Variants in CCDC186 observed in about 807,000 individuals in gnomAD.
CCDC186 encodes coiled-coil domain containing 186.
Under a neutral mutation model 113.7 loss-of-function variants are expected in CCDC186, and 49 were observed. That is an observed-to-expected ratio of 0.43 (90% CI 0.34 to 0.55). The LOEUF is 0.55. Among genes scored for constraint, CCDC186 ranks in the 20% least tolerant of loss-of-function variants. The pLI, the probability that CCDC186 is intolerant of heterozygous loss-of-function variation, is 0.02. For synonymous variants in CCDC186, 355 were observed against 345.8 expected, an observed-to-expected ratio of 1.03 and a Z score of -0.30; for missense variants, 890 against 1,011.1, an observed-to-expected ratio of 0.88 and a Z score of 1.62.
rs778857885 is a variant in CCDC186 at position 114,126,138 on chromosome 10, C to T, written c.2394-33G>A. ...ACAAAATGATAGTATCAGTTGTGTACTTGTAGAATTAAAAAAAATGGAATC... is the reference window on the plus strand; with the variant it reads ...ACAAAATGATAGTATCAGTTGTGTATTTGTAGAATTAAAAAAAATGGAATC... On this transcript the variant is annotated intron_variant, in intron 14 of 15. Coordinates refer to ENST00000369287, the MANE Select transcript of CCDC186 (RefSeq NM_018017.4). The T allele has an allele frequency of 6.6e-5, 102 of 1,550,384 alleles. No homozygotes were observed. In the Admixed American group the frequency reaches 1.8e-3, roughly 28 times the overall value.
chr10:114,134,805 G>T (rs867621417), intron 10 of CCDC186, 108 bp downstream of exon 10: 1 of 1,238,858 alleles, frequency 8.1e-7, no homozygotes, highest in Non-Finnish European at 1.1e-6. Context: ...ATTTCAGCTA[G>T]TAAAATTGTA....
chr10:114,143,099 C>T (rs1233534220), intron 6 of CCDC186, among the ~76,000 whole-genome samples: 3 of 152,214 alleles, frequency 2.0e-5, no homozygotes, highest in Non-Finnish European at 4.4e-5. Flanking sequence ...TGAATTTCTA[C>T]ATACCAAGTC....
intron 1 of CCDC186, among the ~76,000 whole-genome samples, chr10:114,169,675 G>C (rs367715751): frequency 3.3e-5 from 5 of 152,114 alleles, no homozygotes; most frequent in Non-Finnish European, 7.4e-5. Context: ...TACATCAAAA[G>C]AGTTTGTATT....
At chr10:114,142,150 C>G (rs1228846722) in intron 6 of CCDC186, among the ~76,000 whole-genome samples, 1 of 152,162 alleles carries the variant, frequency 6.6e-6, no homozygotes, top group Admixed American at 6.5e-5. Flanking sequence ...AAGAATGACA[C>G]TATCACTGAC....
At chr10:114,131,479 G>T in intron 11 of CCDC186, 143 bp from the exon 12 acceptor site, 1 of 673,142 alleles carries the variant, frequency 1.5e-6, no homozygotes, top group Non-Finnish European at 2.3e-6. Flanking sequence ...GTTTACTTGA[G>T]CTTCTCACAG....
intron 1 of CCDC186, among the ~76,000 whole-genome samples, chr10:114,164,163 C>T (rs140029026): frequency 0.011 from 1,560 of 137,474 alleles, 16 homozygotes; most frequent in Middle Eastern, 0.049. Flanking sequence ...TGTCGTTGCC[C>T]GGGCTGGAGT....
rs2032230627 is a variant in CCDC186, at chr10:114,163,164, G to A, written c.105C>T (p.Ser35=). 1 of 1,613,794 alleles carries A rather than the reference G, an allele frequency of 6.2e-7. No homozygotes were observed. Among genetic ancestry groups the A allele is most frequent in the African/African-American group, 1.3e-5 (1 of 74,894 alleles). Residue 35 remains serine, a synonymous_variant, in exon 2 of 16, where the codon AGC becomes AGT. Transcript: ENST00000369287. ...DSCNLFSGNE[S]SKLENESKLL... Reference sequence around the variant, plus strand: ...GTTTGGACTCATTTTCTAATTTGCTGCTTTCATTGCCAGAAAACAAGTTGC... The same window carrying A: ...GTTTGGACTCATTTTCTAATTTGCTACTTTCATTGCCAGAAAACAAGTTGC...
intron 6 of CCDC186, among the ~76,000 whole-genome samples, chr10:114,141,473 A>G (rs1488696886): frequency 6.6e-6 from 1 of 152,170 alleles, no homozygotes; most frequent in African/African-American, 2.4e-5. Flanking sequence ...CTAAAGCAAT[A>G]ACCTTCTGGG....
chr10:114,167,799 TAAAAAAAAA>T (rs60257583), intron 1 of CCDC186, among the ~76,000 whole-genome samples: 10 of 71,298 alleles, frequency 1.4e-4, no homozygotes, highest in South Asian at 1.2e-3. Context: ...CTAATCTCCG[TAAAAAAAAA>T]AAAAAAAAAA....
At chr10:114,142,397 A>C (rs1304238917) in intron 6 of CCDC186, among the ~76,000 whole-genome samples, 1 of 152,174 alleles carries the variant, frequency 6.6e-6, no homozygotes, top group African/African-American at 2.4e-5. Flanking sequence ...CAGCCAAAGA[A>C]CCACAGCCAC....
chr10:114,149,559 A>AAGGGAAGGGAAGGG (rs2031752187), intron 4 of CCDC186, among the ~76,000 whole-genome samples: 1 of 86,752 alleles, frequency 1.2e-5, no homozygotes, highest in African/African-American at 4.4e-5. Context: ...GAAGGGAAGG[A>AAGGGAAGGGAAGGG]AAGGAAAGGG....
intron 6 of CCDC186, among the ~76,000 whole-genome samples, chr10:114,137,892 C>T (rs552763927): frequency 6.6e-6 from 1 of 151,790 alleles, no homozygotes; most frequent in Non-Finnish European, 1.5e-5. Context: ...CAAAATTAGC[C>T]GGGTGTGGTG....
intron 2 of CCDC186, among the ~76,000 whole-genome samples, chr10:114,160,099 G>A (rs2032126272): frequency 6.6e-6 from 1 of 152,034 alleles, no homozygotes; most frequent in African/African-American, 2.4e-5. Flanking sequence ...GCAAAACCCT[G>A]TCTCTACTAA....
At chr10:114,130,054 G>C (rs576514079) in intron 12 of CCDC186, 83 bp from the exon 13 acceptor site, 1 of 1,267,386 alleles carries the variant, frequency 7.9e-7, no homozygotes. Context: ...TAAAATCACT[G>C]AGGCAAAAAT....
rs879496767 is a variant in CCDC186 at position 114,149,786 on chromosome 10, C to CAGGAAGGAAGGA, written c.888+1294_888+1305dup. Reference sequence around the variant, plus strand: ...GAAGGAAGGAAGGAAGGCAGGAAGGCAGGAAGGAAGGAAGGAAGGAAGGAA... The same window carrying CAGGAAGGAAGGA: ...GAAGGAAGGAAGGAAGGCAGGAAGGCAGGAAGGAAGGAAGGAAGGAAGGAAGGAAGGAAGGAA... On this transcript the variant is annotated intron_variant, in intron 4 of 15. Transcript: ENST00000369287. Among the ~76,000 whole-genome samples the CAGGAAGGAAGGA allele has an allele frequency of 1.5e-4, 7 of 48,098 alleles. 1 individual carries two copies. The highest frequency in any genetic ancestry group is 2.1e-4 in the Admixed American group (1 of 4,658). The allele number at this position is 48,098 out of a possible 152,430, so 31.6% of individuals were successfully genotyped here.
At chr10:114,144,736 C>A in intron 5 of CCDC186, 120 bp from the exon 6 acceptor site, 1 of 811,222 alleles carries the variant, frequency 1.2e-6, no homozygotes, top group South Asian at 2.3e-5. Context: ...CACACTATAG[C>A]CCACAGACTA....
At chr10:114,128,827 T>C (rs1564904668) in intron 13 of CCDC186, among the ~76,000 whole-genome samples, 1 of 152,222 alleles carries the variant, frequency 6.6e-6, no homozygotes, top group Non-Finnish European at 1.5e-5. Context: ...TAAAAATATA[T>C]ACATGTGCAC....
intron 1 of CCDC186, chr10:114,168,116 A>T (rs2032388980): frequency 6.6e-6 from 1 of 152,212 alleles, no homozygotes; most frequent in Admixed American, 6.5e-5. Context: ...ACAGTCACAA[A>T]ATTCCTTTTA....
chr10:114,145,802 T>A, intron 4 of CCDC186, 41 bp from the exon 5 acceptor site: 8 of 1,510,892 alleles, frequency 5.3e-6, no homozygotes, highest in Non-Finnish European at 7.1e-6. Context: ...AAAAATAATG[T>A]TTCAAATGGA....
Sources: gnomAD v4.1 joint callset for allele counts (sites outside exome capture counted in the v4.1 genomes callset) on GRCh38, gnomAD v4.1.1 for gene constraint, MANE v1.5 for transcripts, NCBI Gene and HGNC (gene_info 2026-07-23, HGNC 2026-07-21) for gene names.